Variants in PRKAG2 observed in about 807,000 individuals in gnomAD.
PRKAG2 encodes the protein 5'-AMP-activated protein kinase subunit gamma-2.
Under a neutral mutation model 69.6 loss-of-function variants are expected in PRKAG2, and 26 were observed. The observed-to-expected ratio is 0.37, with a 90% confidence interval of 0.27 to 0.52. PRKAG2 has a LOEUF of 0.52. Among genes scored for constraint, PRKAG2 ranks in the 20% least tolerant of loss-of-function variants. The pLI is 0.90. For missense variants in PRKAG2, 557 were observed against 740.0 expected (o/e 0.75, Z 2.87); for synonymous variants, 293 against 285.0 (o/e 1.03, Z -0.28).
intron 3 of PRKAG2, among the ~76,000 whole-genome samples, chr7:151,687,292 A>C (rs1056418049): frequency 1.3e-5 from 2 of 151,646 alleles, no homozygotes; most frequent in Admixed American, 6.6e-5. Flanking sequence ...AAAAGACAAC[A>C]GCAGATATGC....
At chr7:151,575,864 TA>T (rs1402716754) in intron 7 of PRKAG2, among the ~76,000 whole-genome samples, 1 of 119,926 alleles carries the variant, frequency 8.3e-6, no homozygotes, top group African/African-American at 3.3e-5. Flanking sequence ...CCATAAAAGT[TA>T]CAACAGTGTG....
intron 1 of PRKAG2, among the ~76,000 whole-genome samples, chr7:151,799,212 G>A (rs914715071): frequency 1.3e-5 from 2 of 152,218 alleles, no homozygotes; most frequent in African/African-American, 4.8e-5. Context: ...GATGTCCAGA[G>A]ATTCAAGCAA....
At chr7:151,698,492 G>C (rs1245967011) in intron 3 of PRKAG2, among the ~76,000 whole-genome samples, 6 of 152,100 alleles carry the variant, frequency 3.9e-5, no homozygotes, top group African/African-American at 1.4e-4. Context: ...TGCTGTCCTC[G>C]TGGTAGTGAA....
intron 3 of PRKAG2, among the ~76,000 whole-genome samples, chr7:151,764,076 G>A (rs1290649893): frequency 1.3e-5 from 2 of 152,194 alleles, no homozygotes; most frequent in African/African-American, 4.8e-5. Flanking sequence ...CCTGGCAGAG[G>A]AGGGAGGCAG....
intron 6 of PRKAG2, among the ~76,000 whole-genome samples, chr7:151,578,873 G>A (rs1190276828): frequency 2.0e-5 from 3 of 152,148 alleles, no homozygotes; most frequent in Admixed American, 6.5e-5. Context: ...TGTGGTCCTA[G>A]AATATATTAT....
intron 5 of PRKAG2, among the ~76,000 whole-genome samples, chr7:151,606,690 T>G (rs757682784): frequency 4.6e-5 from 7 of 151,908 alleles, no homozygotes; most frequent in Non-Finnish European, 8.8e-5. Flanking sequence ...CGTGGTGACA[T>G]GTGCCTGTAA....
At chr7:151,713,003 G>A (rs1283663607) in intron 3 of PRKAG2, among the ~76,000 whole-genome samples, 5 of 152,236 alleles carry the variant, frequency 3.3e-5, no homozygotes, top group Non-Finnish European at 7.3e-5. Context: ...GCAGAGGGGC[G>A]TGAGCTGGTT....
At chr7:151,570,112 T>C in intron 10 of PRKAG2, 59 bp downstream of exon 10, 15 of 1,547,150 alleles carry the variant, frequency 9.7e-6, no homozygotes, top group African/African-American at 1.4e-5. Context: ...CTTTCTATCA[T>C]GGTGATAAAA....
Position 151,802,860 on chromosome 7 carries a change from G to T in PRKAG2, c.115-16319C>A, listed in dbSNP as rs147427892. 8.1e-4 allele frequency among the ~76,000 whole-genome samples: 123 copies of T among 151,838 alleles called. 2 individuals are homozygous for T. In the East Asian group the frequency reaches 0.022, roughly 27 times the overall value. On this transcript the variant is annotated intron_variant, in intron 1 of 15. Coordinates refer to ENST00000287878, the MANE Select transcript of PRKAG2 (RefSeq NM_016203.4). Reference sequence around the variant, plus strand: ...CCCTCTACTCCTCTTTAATCCCCCCGTGCCAGCATTCCTCAAAAAAGGGGG... The same window carrying T: ...CCCTCTACTCCTCTTTAATCCCCCCTTGCCAGCATTCCTCAAAAAAGGGGG...
chr7:151,695,472 G>A (rs1471992872), intron 3 of PRKAG2, among the ~76,000 whole-genome samples: 2 of 152,116 alleles, frequency 1.3e-5, no homozygotes, highest in African/African-American at 2.4e-5. Context: ...CTGTGCACTT[G>A]TGCACACAAA....
Position 151,786,470 on chromosome 7 carries a change from C to A in PRKAG2, c.186G>T (p.Lys62Asn), listed in dbSNP as rs369687307. 9.3e-6 allele frequency: 15 copies of A among 1,610,806 alleles called. No individual in the cohort carries two copies. Among genetic ancestry groups the A allele is most frequent in the Non-Finnish European group, 1.2e-5 (14 of 1,178,702 alleles). Residue 62 changes from lysine (K) to asparagine (N), a missense_variant and splice_region_variant, in exon 2 of 16, where the codon AAG (lysine) becomes AAT (asparagine). By Grantham distance (94) the Lys-to-Asn change is moderately conservative. Coordinates refer to ENST00000287878, the MANE Select transcript of PRKAG2 (RefSeq NM_016203.4). ...LEGSGKHSSR[K>N]VDSPFGPGSP... ...GAAACTTCTGGAAAGGAGGTCTTACCTTTCGAGAGGAATGCTTTCCGGAAC... is the reference window on the plus strand; with the variant it reads ...GAAACTTCTGGAAAGGAGGTCTTACATTTCGAGAGGAATGCTTTCCGGAAC...
At chr7:151,623,377 A>AAAG (rs1489874318) in intron 5 of PRKAG2, among the ~76,000 whole-genome samples, 1 of 150,230 alleles carries the variant, frequency 6.7e-6, no homozygotes, top group Non-Finnish European at 1.5e-5. Context: ...AAAAAAAAAA[A>AAAG]AAAAAAAAAA....
At chr7:151,711,658 T>C (rs1379082779) in intron 3 of PRKAG2, among the ~76,000 whole-genome samples, 1 of 152,224 alleles carries the variant, frequency 6.6e-6, no homozygotes, top group Non-Finnish European at 1.5e-5. Context: ...ATTTTATGGA[T>C]GGTGAAACTG....
chr7:151,754,480 G>A (rs546577187), intron 3 of PRKAG2, among the ~76,000 whole-genome samples: 43 of 151,274 alleles, frequency 2.8e-4, no homozygotes, highest in South Asian at 8.4e-4. Flanking sequence ...GCCAGTGAGC[G>A]GGGGGCCCAG....
At chr7:151,685,845 C>T (rs1834643003) in intron 3 of PRKAG2, among the ~76,000 whole-genome samples, 1 of 152,018 alleles carries the variant, frequency 6.6e-6, no homozygotes, top group Non-Finnish European at 1.5e-5. Context: ...TTGGGATCCT[C>T]ATTTTTTTAA....
chr7:151,636,231 A>G (rs768385761), intron 4 of PRKAG2, among the ~76,000 whole-genome samples: 12 of 152,154 alleles, frequency 7.9e-5, no homozygotes, highest in Admixed American at 3.3e-4. Flanking sequence ...TGATTTTTGG[A>G]ATATTCAGAA....
At chr7:151,646,563 G>C (rs551313936) in intron 4 of PRKAG2, among the ~76,000 whole-genome samples, 5 of 152,208 alleles carry the variant, frequency 3.3e-5, no homozygotes, top group South Asian at 4.1e-4. Context: ...GTAAGTTCTA[G>C]TGGTAATTTT....
intron 14 of PRKAG2, 81 bp downstream of exon 14, chr7:151,563,997 C>T: frequency 1.3e-6 from 2 of 1,597,412 alleles, no homozygotes; most frequent in South Asian, 2.2e-5. Flanking sequence ...TCCTGAGATT[C>T]AGGCTTCCAG....
intron 3 of PRKAG2, among the ~76,000 whole-genome samples, chr7:151,738,999 C>T (rs2073675510): frequency 6.6e-6 from 1 of 151,954 alleles, no homozygotes; most frequent in Non-Finnish European, 1.5e-5. Context: ...GCTCAGCTCC[C>T]ACCCCAGATC....
Sources: allele counts gnomAD v4.1 joint callset (sites outside exome capture counted in the v4.1 genomes callset), GRCh38; gene constraint gnomAD v4.1.1; transcripts MANE v1.5; gene names NCBI Gene and HGNC (gene_info 2026-07-23, HGNC 2026-07-21).